The following PLIN3 variants were observed in gnomAD, a reference collection of about 807,000 sequenced individuals.
The protein encoded by PLIN3 is perilipin-3.
Under a neutral mutation model 35.9 loss-of-function variants are expected in PLIN3, and 30 were observed. That is an observed-to-expected ratio of 0.84 (90% CI 0.62 to 1.13). The LOEUF (loss-of-function observed/expected upper bound fraction) is 1.13. PLIN3 is among the 50% of genes most tolerant of loss of function. The probability of loss-of-function intolerance (pLI) is 0.00; values close to 1 mark genes in which losing one functional copy is unlikely to be tolerated. For synonymous variants in PLIN3, 261 were observed against 262.5 expected, an observed-to-expected ratio of 0.99 and a Z score of 0.06; for missense variants, 603 against 596.9, an observed-to-expected ratio of 1.01 and a Z score of -0.11.
chr19:4,857,667 A>G (rs2030518276), intron 4 of PLIN3, among the ~76,000 whole-genome samples: 1 of 151,994 alleles, frequency 6.6e-6, no homozygotes, highest in South Asian at 2.1e-4. Flanking sequence ...CAGCATTGCC[A>G]TTCTGTAGAA....
chr19:4,856,416 G>A (rs149036164), intron 4 of PLIN3, among the ~76,000 whole-genome samples: 88 of 152,096 alleles, frequency 5.8e-4, no homozygotes, highest in Middle Eastern at 3.4e-3. Flanking sequence ...AAATTACCCA[G>A]GCATGGTGGT....
At chr19:4,852,325 A>C (rs2271057) in intron 4 of PLIN3, 24 bp from the exon 5 acceptor site, 339,832 of 1,592,222 alleles carry the variant, frequency 0.21, 39,447 homozygotes, top group East Asian at 0.43. Context: ...CAGCATCAGC[A>C]TCTCTGCCTT....
chr19:4,844,878 C>A, intron 6 of PLIN3, 85 bp from the exon 7 acceptor site: 1 of 1,417,284 alleles, frequency 7.1e-7, no homozygotes, highest in Non-Finnish European at 9.4e-7. Context: ...ATCCTTCCAG[C>A]ATCTGACTTA....
intron 7 of PLIN3, among the ~76,000 whole-genome samples, chr19:4,840,449 A>G (rs2146193806): frequency 6.6e-6 from 1 of 152,106 alleles, no homozygotes; most frequent in East Asian, 1.9e-4. Context: ...TAGAGCCAGG[A>G]TCTCACTAAG....
Position 4,859,909 on chromosome 19 carries a change from T to C in PLIN3, c.182A>G (p.Asp61Gly), listed in dbSNP as rs1280285076. 6.2e-7 allele frequency: 1 copy of C among 1,614,024 alleles called. No individual in the cohort carries two copies. The highest frequency in any genetic ancestry group is 1.3e-5 in the African/African-American group (1 of 75,058). ...ESYPHIKTVC[D>G]AAEKGVRTLT... The stretch of plus-strand genomic sequence containing the variant: ...GGTCCTCACTCCCTTCTCTGCTGCG[T>C]CGCAGACAGTCTTGATGTGCGGGTA... Residue 61 changes from aspartate to glycine, a missense_variant, in exon 3 of 8, where the codon GAC becomes GGC. By Grantham distance (94) the Asp-to-Gly change is moderately conservative. Coordinates refer to ENST00000221957, the MANE Select transcript of PLIN3 (RefSeq NM_005817.5).
intron 4 of PLIN3, among the ~76,000 whole-genome samples, chr19:4,855,363 G>A (rs1332897761): frequency 6.6e-6 from 1 of 151,180 alleles, no homozygotes; most frequent in Non-Finnish European, 1.5e-5. Context: ...GGCCTCCTAC[G>A]CTATCAGTGG....
At chr19:4,863,030 G>A (rs1347504530) in intron 1 of PLIN3, among the ~76,000 whole-genome samples, 6 of 151,930 alleles carry the variant, frequency 3.9e-5, no homozygotes, top group East Asian at 1.9e-4. Context: ...GATGGTGGGC[G>A]CCTGTAATCC....
intron 2 of PLIN3, 50 bp from the exon 3 acceptor site, chr19:4,860,074 C>A (rs370954601): frequency 7.5e-5 from 118 of 1,565,450 alleles, no homozygotes; most frequent in Non-Finnish European, 1.0e-4. Flanking sequence ...AGATGGGGAG[C>A]TCAGCCGGAA....
chr19:4,859,787 C>T, intron 3 of PLIN3, 39 bp downstream of exon 3: 1 of 1,608,812 alleles, frequency 6.2e-7, no homozygotes, highest in South Asian at 1.1e-5. Flanking sequence ...AGGGAAATGA[C>T]CAGGAGGGGA....
At chr19:4,854,075 G>A (rs972000248) in intron 4 of PLIN3, among the ~76,000 whole-genome samples, 32 of 151,808 alleles carry the variant, frequency 2.1e-4, no homozygotes, top group African/African-American at 7.5e-4. Flanking sequence ...TGAGACTACA[G>A]GTACGCACCA....
chr19:4,851,351 C>G (rs12982204), intron 5 of PLIN3, among the ~76,000 whole-genome samples: 91,994 of 151,782 alleles, frequency 0.61, 28,139 homozygotes, highest in South Asian at 0.65. Context: ...GTAATCCCAG[C>G]TACTCAGGAG....
At chr19:4,843,227 C>T (rs368826861) in intron 7 of PLIN3, among the ~76,000 whole-genome samples, 1 of 149,432 alleles carries the variant, frequency 6.7e-6, no homozygotes, top group African/African-American at 2.5e-5. Flanking sequence ...AATAAATAGG[C>T]AGGGTGCGGT....
chr19:4,860,021 T>C lies in PLIN3; in HGVS notation c.70A>G (p.Ser24Gly), dbSNP rs1240568402. The stretch of plus-strand genomic sequence containing the variant: ...ATGCTGGCCACACGGTCCACCACAC[T>C]GGGCTACAGGAGAGAAGTGGCTCAG... Reference protein sequence around the residue: ...VTVEEPVQQPSVVDRVASMPL... With the variant: ...VTVEEPVQQPGVVDRVASMPL... The change falls in exon 3 of 8, where the codon AGT becomes GGT. Residue 24 changes from serine (S) to glycine (G), a missense_variant. By Grantham distance (56) the Ser-to-Gly change is moderately conservative. Transcript: ENST00000221957. 6.2e-7 allele frequency: 1 copy of C among 1,613,814 alleles called. No homozygotes were observed. Among genetic ancestry groups the C allele is most frequent in the African/African-American group, 1.3e-5 (1 of 74,910 alleles).
chr19:4,848,272 C>A (rs1172790139), intron 5 of PLIN3, among the ~76,000 whole-genome samples: 1 of 152,200 alleles, frequency 6.6e-6, no homozygotes, highest in Non-Finnish European at 1.5e-5. Context: ...GCGTGAGCCA[C>A]CACACCTGGC....
At chr19:4,855,083 C>T (rs2030428527) in intron 4 of PLIN3, among the ~76,000 whole-genome samples, 1 of 151,678 alleles carries the variant, frequency 6.6e-6, no homozygotes. Context: ...AACCCCATCT[C>T]TACTAAAAAT....
chr19:4,849,312 G>A (rs989535062), intron 5 of PLIN3, among the ~76,000 whole-genome samples: 6 of 149,940 alleles, frequency 4.0e-5, no homozygotes, highest in South Asian at 2.1e-4. Flanking sequence ...TTGTTTTGTC[G>A]GTTTTTATAT....
chr19:4,843,425 G>A (rs911989849), intron 7 of PLIN3, among the ~76,000 whole-genome samples: 24 of 151,070 alleles, frequency 1.6e-4, no homozygotes, highest in Non-Finnish European at 3.2e-4. Flanking sequence ...GGAGAATGGC[G>A]TGAACCTGGG....
chr19:4,849,412 ATCC>A (rs770771627), intron 5 of PLIN3, among the ~76,000 whole-genome samples: 1 of 151,636 alleles, frequency 6.6e-6, no homozygotes, highest in Non-Finnish European at 1.5e-5. Flanking sequence ...GGCTCAAGTG[ATCC>A]TCCTGTCTCA....
At chr19:4,864,602 C>T (rs10418644) in intron 1 of PLIN3, among the ~76,000 whole-genome samples, 24,250 of 151,756 alleles carry the variant, frequency 0.16, 2,008 homozygotes, top group African/African-American at 0.2. Context: ...CAGCTGTGAG[C>T]CACCGCACCC....
Sources: gnomAD v4.1 joint callset for allele counts (sites outside exome capture counted in the v4.1 genomes callset) on GRCh38, gnomAD v4.1.1 for gene constraint, MANE v1.5 for transcripts, NCBI Gene and HGNC (gene_info 2026-07-23, HGNC 2026-07-21) for gene names.